Variants in OR6N1 observed in about 807,000 individuals in gnomAD.
OR6N1 encodes the protein olfactory receptor 6N1.
For missense variants in OR6N1, 394 were observed against 371.7 expected, an observed-to-expected ratio of 1.06 and a Z score of -0.49; for synonymous variants, 170 against 150.7, an observed-to-expected ratio of 1.13 and a Z score of -0.94.
chr1:158,823,466 A>G, the OR6N1 span, among the ~76,000 whole-genome samples: 2 of 151,848 alleles, frequency 1.3e-5, no homozygotes, highest in Non-Finnish European at 1.5e-5. Context: ...GAATTTACCT[A>G]TTTCTTCTAG....
At chr1:158,811,898 G>A in the OR6N1 span, among the ~76,000 whole-genome samples, 14,045 of 152,138 alleles carry the variant, frequency 0.092, 709 homozygotes, top group East Asian at 0.12. Flanking sequence ...AGAAAATATT[G>A]TAACCTCAAG....
chr1:158,809,837 A>C, the OR6N1 span, among the ~76,000 whole-genome samples: 2 of 152,180 alleles, frequency 1.3e-5, no homozygotes, highest in Non-Finnish European at 2.9e-5. Context: ...AATCTCCAAA[A>C]ACTATAATAT....
At chr1:158,823,470 C>A in the OR6N1 span, among the ~76,000 whole-genome samples, 1 of 152,028 alleles carries the variant, frequency 6.6e-6, no homozygotes, top group Non-Finnish European at 1.5e-5. Context: ...TTACCTATTT[C>A]TTCTAGGTTT....
the OR6N1 span, among the ~76,000 whole-genome samples, chr1:158,807,003 C>CA: frequency 0.25 from 17,957 of 72,732 alleles, 2,562 homozygotes; most frequent in South Asian, 0.48. Flanking sequence ...GACGTCATCT[C>CA]AAAAAAAAAA....
At chr1:158,819,325 G>T in the OR6N1 span, among the ~76,000 whole-genome samples, 3 of 152,238 alleles carry the variant, frequency 2.0e-5, no homozygotes, top group South Asian at 6.2e-4. Flanking sequence ...CCACACAGAA[G>T]GGCATCATTT....
At chr1:158,801,541 C>T in the OR6N1 span, among the ~76,000 whole-genome samples, 6 of 152,136 alleles carry the variant, frequency 3.9e-5, no homozygotes, top group South Asian at 2.1e-4. Context: ...AGGGCTGTAG[C>T]GCAACAGAAA....
chr1:158,837,221 A>G, the OR6N1 span, among the ~76,000 whole-genome samples: 26,461 of 151,826 alleles, frequency 0.17, 2,543 homozygotes, highest in Admixed American at 0.26. Flanking sequence ...TAATTGGTCT[A>G]TAAGTGGTCT....
chr1:158,813,097 G>A, the OR6N1 span, among the ~76,000 whole-genome samples: 2 of 152,136 alleles, frequency 1.3e-5, no homozygotes, highest in Admixed American at 6.5e-5. Flanking sequence ...GATTGACAAG[G>A]TTCCAGAGGT....
At chr1:158,793,973 A>G in the OR6N1 span, among the ~76,000 whole-genome samples, 1 of 152,120 alleles carries the variant, frequency 6.6e-6, no homozygotes, top group African/African-American at 2.4e-5. Context: ...CCACACTCCT[A>G]AGCTGATGTT....
chr1:158,834,134 A>G, the OR6N1 span, among the ~76,000 whole-genome samples: 2 of 148,476 alleles, frequency 1.3e-5, no homozygotes, highest in East Asian at 2.0e-4. Flanking sequence ...TTTGATTTGT[A>G]TTTTTCTAAA....
chr1:158,802,298 T>C, the OR6N1 span, among the ~76,000 whole-genome samples: 2 of 148,574 alleles, frequency 1.3e-5, no homozygotes, highest in African/African-American at 5.0e-5. Context: ...ACCTCTGCCT[T>C]CCAGGTTCAA....
At chr1:158,824,357 T>C in the OR6N1 span, among the ~76,000 whole-genome samples, 1 of 152,160 alleles carries the variant, frequency 6.6e-6, no homozygotes, top group African/African-American at 2.4e-5. Context: ...GAACTGTAAG[T>C]CCAATAAACC....
chr1:158,797,620 AAAT>A, the OR6N1 span, among the ~76,000 whole-genome samples: 1 of 152,218 alleles, frequency 6.6e-6, no homozygotes, highest in African/African-American at 2.4e-5. Context: ...GTACAATATT[AAAT>A]AAAAGTAATA....
chr1:158,806,834 G>C, the OR6N1 span, among the ~76,000 whole-genome samples: 22 of 151,594 alleles, frequency 1.5e-4, no homozygotes, highest in African/African-American at 5.3e-4. Context: ...TACACATCTG[G>C]ACCTAGTTCA....
the OR6N1 span, among the ~76,000 whole-genome samples, chr1:158,799,435 A>G: frequency 6.6e-6 from 1 of 152,230 alleles, no homozygotes; most frequent in Non-Finnish European, 1.5e-5. Context: ...GGTCATATGT[A>G]GGCTGACTTG....
chr1:158,814,413 C>T, the OR6N1 span, among the ~76,000 whole-genome samples: 1 of 152,232 alleles, frequency 6.6e-6, no homozygotes, highest in East Asian at 1.9e-4. Flanking sequence ...AGAGTTGGGC[C>T]TTAGACAGGG....
At chr1:158,790,713 G>C in the OR6N1 span, among the ~76,000 whole-genome samples, 1 of 152,046 alleles carries the variant, frequency 6.6e-6, no homozygotes, top group Non-Finnish European at 1.5e-5. Context: ...CTTTGATAGG[G>C]ATTTTATTGA....
the OR6N1 span, among the ~76,000 whole-genome samples, chr1:158,804,676 A>C: frequency 6.6e-6 from 1 of 152,180 alleles, no homozygotes; most frequent in Non-Finnish European, 1.5e-5. Context: ...TTACCTAAAC[A>C]TTTAATGTCC....
the OR6N1 span, among the ~76,000 whole-genome samples, chr1:158,786,215 C>T: frequency 6.6e-6 from 1 of 152,054 alleles, no homozygotes; most frequent in African/African-American, 2.4e-5. Flanking sequence ...AAAAAGAATA[C>T]ACAAACAGCC....
Sources: gnomAD v4.1 joint callset for allele counts (sites outside exome capture counted in the v4.1 genomes callset) on GRCh38, gnomAD v4.1.1 for gene constraint, MANE v1.5 for transcripts, NCBI Gene and HGNC (gene_info 2026-07-23, HGNC 2026-07-21) for gene names.